The following NRXN1 variants were observed in gnomAD, a reference collection of about 807,000 sequenced individuals.
NRXN1 encodes neurexin 1.
A neutral mutation model predicts 150.9 loss-of-function variants in NRXN1; 39 were observed. That is an observed-to-expected ratio of 0.26 (90% confidence interval 0.20 to 0.34). NRXN1 has a LOEUF of 0.34. Among genes scored for constraint, NRXN1 ranks in the 10% least tolerant of loss-of-function variants. The pLI is 1.00. For synonymous variants in NRXN1, 924 were observed against 757.0 expected, an observed-to-expected ratio of 1.22 and a Z score of -3.62; for missense variants, 1,815 against 1,949.9, an observed-to-expected ratio of 0.93 and a Z score of 1.30.
intron 8 of NRXN1, among the ~76,000 whole-genome samples, chr2:50,604,300 T>A (rs1053623732): frequency 6.6e-6 from 1 of 152,174 alleles, no homozygotes; most frequent in African/African-American, 2.4e-5. Context: ...GGGTCTACTG[T>A]TGAATCAGAA....
chr2:50,263,502 G>A (rs1331629361), intron 17 of NRXN1, among the ~76,000 whole-genome samples: 1 of 151,790 alleles, frequency 6.6e-6, no homozygotes, highest in African/African-American at 2.4e-5. Flanking sequence ...ATTCTGATTG[G>A]GATCATTCAT....
chr2:50,297,106 G>T (rs2073676138), intron 17 of NRXN1, among the ~76,000 whole-genome samples: 1 of 151,770 alleles, frequency 6.6e-6, no homozygotes, highest in Admixed American at 6.6e-5. Context: ...GGTCAGGCTG[G>T]TCTCAAACTC....
chr2:50,465,653 C>G, intron 16 of NRXN1, 92 bp from the exon 17 acceptor site: 1 of 1,337,000 alleles, frequency 7.5e-7, no homozygotes, highest in East Asian at 2.6e-5. Context: ...GTTGCCAACA[C>G]CACAGATGAT....
chr2:50,922,705 G>A lies in NRXN1; in HGVS notation c.791-18C>T, dbSNP rs1686231387. The A allele has an allele frequency of 1.2e-6, 2 of 1,609,414 alleles. No homozygotes were observed. The highest frequency in any genetic ancestry group is 1.3e-5 in the African/African-American group (1 of 74,718). ...CGCCAGACCTTGAAGGGAAACAAGAGCACAGTCAGCAATAAACAAGGGAGC... is the reference window on the plus strand; with the variant it reads ...CGCCAGACCTTGAAGGGAAACAAGAACACAGTCAGCAATAAACAAGGGAGC... On this transcript the variant is annotated intron_variant, in intron 3 of 22. Transcript: ENST00000401669.
intron 17 of NRXN1, among the ~76,000 whole-genome samples, chr2:50,256,775 ATG>A (rs370118483): frequency 1.6e-3 from 241 of 152,128 alleles, no homozygotes; most frequent in African/African-American, 5.7e-3. Context: ...AGCAAAAATG[ATG>A]TGTGTTTATT....
At chr2:50,506,390 A>T in intron 13 of NRXN1, 105 bp downstream of exon 13, 1 of 965,958 alleles carries the variant, frequency 1.0e-6, no homozygotes, top group Non-Finnish European at 1.5e-6. Context: ...GGATTGTGTG[A>T]ATACATTTCA....
chr2:50,646,709 T>A (rs79677924), intron 5 of NRXN1, among the ~76,000 whole-genome samples: 2,229 of 47,150 alleles, frequency 0.047, 75 homozygotes, highest in African/African-American at 0.19. Flanking sequence ...TCATGTTGTC[T>A]TTTTTTTTTT....
intron 12 of NRXN1, among the ~76,000 whole-genome samples, chr2:50,524,689 GATAT>G (rs1384565657): frequency 2.0e-5 from 3 of 151,904 alleles, no homozygotes; most frequent in African/African-American, 7.2e-5. Flanking sequence ...AGTAGTTACT[GATAT>G]GACAATTAGG....
chr2:50,169,099 C>A (rs747633014), intron 18 of NRXN1, among the ~76,000 whole-genome samples: 1 of 152,174 alleles, frequency 6.6e-6, no homozygotes, highest in Non-Finnish European at 1.5e-5. Context: ...GTGTGCCTAA[C>A]ATACAATAGC....
chr2:50,208,055 G>C (rs540898111), intron 18 of NRXN1, among the ~76,000 whole-genome samples: 17 of 152,096 alleles, frequency 1.1e-4, no homozygotes, highest in Non-Finnish European at 2.2e-4. Context: ...CCACTAGTTA[G>C]TTGTGGCTGG....
intron 19 of NRXN1, among the ~76,000 whole-genome samples, chr2:50,081,363 G>C (rs1391957995): frequency 6.6e-6 from 1 of 152,134 alleles, no homozygotes; most frequent in Non-Finnish European, 1.5e-5. Flanking sequence ...TGGATCACGA[G>C]GTCAAGAGAT....
chr2:50,918,636 T>A (rs1273539949), intron 5 of NRXN1: 1 of 370,112 alleles, frequency 2.7e-6, no homozygotes, highest in Non-Finnish European at 4.9e-6. Context: ...TGATAAGCCA[T>A]TAAAGTAAAA....
At chr2:50,735,005 A>G (rs1337249532) in intron 5 of NRXN1, among the ~76,000 whole-genome samples, 11 of 152,324 alleles carry the variant, frequency 7.2e-5, no homozygotes. Context: ...CTTAATGTGA[A>G]GCATGTGTTG....
chr2:50,153,073 A>G (rs2058788612), intron 18 of NRXN1, among the ~76,000 whole-genome samples: 1 of 151,704 alleles, frequency 6.6e-6, no homozygotes, highest in African/African-American at 2.4e-5. Context: ...ATCTTGACCT[A>G]TCTTCAAGCT....
chr2:50,592,108 C>A (rs375527303), intron 8 of NRXN1, among the ~76,000 whole-genome samples: 11 of 152,220 alleles, frequency 7.2e-5, no homozygotes, highest in Non-Finnish European at 1.5e-4. Flanking sequence ...TCTTTGCATG[C>A]GGCATCTCAT....
intron 17 of NRXN1, among the ~76,000 whole-genome samples, chr2:50,409,778 C>A (rs2083012739): frequency 6.6e-6 from 1 of 152,178 alleles, no homozygotes; most frequent in African/African-American, 2.4e-5. Flanking sequence ...TCAACATAAA[C>A]ACATGATTTG....
At chr2:50,275,100 A>G (rs2070268621) in intron 17 of NRXN1, among the ~76,000 whole-genome samples, 1 of 152,220 alleles carries the variant, frequency 6.6e-6, no homozygotes, top group African/African-American at 2.4e-5. Flanking sequence ...CTGCTCCTTT[A>G]GAGGTCCTGT....
At chr2:49,996,173 T>C (rs942071234) in intron 21 of NRXN1, among the ~76,000 whole-genome samples, 1 of 152,148 alleles carries the variant, frequency 6.6e-6, no homozygotes, top group East Asian at 1.9e-4. Flanking sequence ...TCATGAGAAG[T>C]ATAAATAAGG....
intron 16 of NRXN1, among the ~76,000 whole-genome samples, chr2:50,467,891 A>T (rs1229549203): frequency 6.6e-6 from 1 of 151,658 alleles, no homozygotes; most frequent in Non-Finnish European, 1.5e-5. Context: ...TAAAGAAATA[A>T]GAACCACTTA....
Sources: allele counts gnomAD v4.1 joint callset (sites outside exome capture counted in the v4.1 genomes callset), GRCh38; gene constraint gnomAD v4.1.1; transcripts MANE v1.5; gene names NCBI Gene and HGNC (gene_info 2026-07-23, HGNC 2026-07-21).